The following ALKBH5 variants were observed in gnomAD, a reference collection of about 807,000 sequenced individuals.
The protein encoded by ALKBH5 is alkB homolog 5, RNA demethylase.
In ALKBH5, 2 loss-of-function variants were observed where a neutral mutation model predicts 32.1. That is an observed-to-expected ratio of 0.06 (90% CI 0.03 to 0.20). ALKBH5 has a LOEUF of 0.20. Ranked by LOEUF, ALKBH5 falls within the 10% of genes least tolerant of loss-of-function variation. The probability of loss-of-function intolerance (pLI) is 1.00; values close to 1 mark genes in which losing one functional copy is unlikely to be tolerated. For missense variants in ALKBH5, 352 were observed against 559.5 expected (o/e 0.63, Z 3.74); for synonymous variants, 300 against 231.7 (o/e 1.29, Z -2.68).
chr17:18,207,081 C>CA, intron 3 of ALKBH5, 111 bp downstream of exon 3: 1 of 1,403,022 alleles, frequency 7.1e-7, no homozygotes, highest in Non-Finnish European at 9.7e-7. Flanking sequence ...CTCACCCTTT[C>CA]AAAACCTTAT....
rs773570071 is a variant in ALKBH5, at chr17:18,208,461, G to A, written c.*65G>A. On this transcript the variant is annotated 3_prime_UTR_variant, in exon 4 of 4. Coordinates refer to ENST00000399138, the MANE Select transcript of ALKBH5 (RefSeq NM_017758.4). ...ACGTAGTTGCCCCTCCTTTTGTTTT[G>A]AGGGTTTTGTTTTTGTTCATTGGGG... 6.3e-7 allele frequency: 1 copy of A among 1,580,950 alleles called. No homozygotes were observed. The highest frequency in any genetic ancestry group is 8.6e-7 in the Non-Finnish European group (1 of 1,160,234).
chr17:18,184,888 C>T lies in ALKBH5; in HGVS notation c.645C>T (p.Ile215=), dbSNP rs754685122. The T allele has an allele frequency of 6.2e-6, 10 of 1,614,122 alleles. No individual in the cohort carries two copies. The highest frequency in any genetic ancestry group is 8.5e-6 in the Non-Finnish European group (10 of 1,180,054). ...VDPIHIFERP[I]VSVSFFSDSA... is the part of the protein sequence containing the mutation. ...CCATCCACATCTTCGAGCGCCCCAT[C>T]GTGTCCGTGTCCTTCTTTAGCGACT... Residue 215 remains isoleucine, a synonymous_variant, in exon 1 of 4, where the codon ATC becomes ATT. Coordinates refer to ENST00000399138, the MANE Select transcript of ALKBH5 (RefSeq NM_017758.4).
chr17:18,208,495 T>G lies in ALKBH5; in HGVS notation c.*99T>G, dbSNP rs752893777. On this transcript the variant is annotated 3_prime_UTR_variant, in exon 4 of 4. Coordinates refer to ENST00000399138, the MANE Select transcript of ALKBH5 (RefSeq NM_017758.4). ...GTTTTTGTTCATTGGGGGGTTTTTG[T>G]TTTTTGTTTTTTGTTTTTTTTGATT... is the stretch of plus-strand genomic sequence containing the variant. The G allele has an allele frequency of 1.6e-5, 8 of 516,098 alleles. No homozygotes were observed. Among genetic ancestry groups the G allele is most frequent in the East Asian group, 6.2e-5 (2 of 32,030 alleles). 32.0% of individuals were successfully genotyped at this position (516,098 alleles called of 1,614,324 possible).
intron 2 of ALKBH5, among the ~76,000 whole-genome samples, chr17:18,203,530 A>C (rs1200391721): frequency 6.6e-6 from 1 of 152,098 alleles, no homozygotes; most frequent in Non-Finnish European, 1.5e-5. Flanking sequence ...CTTTGCTCTG[A>C]CCTTTGAATA....
At chr17:18,200,708 A>C (rs2047231531) in intron 2 of ALKBH5, among the ~76,000 whole-genome samples, 1 of 152,150 alleles carries the variant, frequency 6.6e-6, no homozygotes, top group Non-Finnish European at 1.5e-5. Flanking sequence ...GTGCCACCTG[A>C]AGGTAGTCAA....
At chr17:18,201,802 TAGA>T (rs748209689) in intron 2 of ALKBH5, among the ~76,000 whole-genome samples, 1 of 56,334 alleles carries the variant, frequency 1.8e-5, no homozygotes, top group African/African-American at 7.1e-5. Context: ...ATAAGATAGA[TAGA>T]TAGATAGATA....
At chr17:18,196,848 G>A (rs998550463) in intron 2 of ALKBH5, among the ~76,000 whole-genome samples, 1 of 152,044 alleles carries the variant, frequency 6.6e-6, no homozygotes, top group Admixed American at 6.6e-5. Flanking sequence ...TCTTCTGCAG[G>A]GGGGATTGGT....
intron 2 of ALKBH5, among the ~76,000 whole-genome samples, chr17:18,200,716 C>G (rs545428573): frequency 1.9e-4 from 29 of 152,292 alleles, no homozygotes; most frequent in African/African-American, 6.5e-4. Context: ...TGAAGGTAGT[C>G]AAGGATGCTT....
chr17:18,203,890 T>G (rs2047255405), intron 2 of ALKBH5, among the ~76,000 whole-genome samples: 1 of 152,164 alleles, frequency 6.6e-6, no homozygotes, highest in Non-Finnish European at 1.5e-5. Flanking sequence ...TCTGCTTTTC[T>G]CCTACCATCC....
chr17:18,184,184 A>T lies in ALKBH5; in HGVS notation c.-60A>T. The stretch of plus-strand genomic sequence containing the variant: ...CGGGGGCCCCGGGGCGCGTCCCCTT[A>T]GAGCCATGCCCGGCTGCCCCGCCCG... On this transcript the variant is annotated 5_prime_UTR_variant, in exon 1 of 4. Coordinates refer to ENST00000399138, the MANE Select transcript of ALKBH5 (RefSeq NM_017758.4). 1 of 1,404,390 alleles carries T rather than the reference A, an allele frequency of 7.1e-7. No homozygotes were observed. The highest frequency in any genetic ancestry group is 9.4e-7 in the Non-Finnish European group (1 of 1,060,274). 87.0% of individuals were successfully genotyped at this position (1,404,390 alleles called of 1,614,324 possible).
chr17:18,200,547 T>TGCCA (rs997880173), intron 2 of ALKBH5, among the ~76,000 whole-genome samples: 1 of 152,220 alleles, frequency 6.6e-6, no homozygotes, highest in African/African-American at 2.4e-5. Flanking sequence ...GAGATCCCTT[T>TGCCA]GCCAAGTGGT....
chr17:18,190,590 A>G (rs1339325862), intron 1 of ALKBH5, among the ~76,000 whole-genome samples: 4 of 151,180 alleles, frequency 2.6e-5, no homozygotes, highest in African/African-American at 9.7e-5. Flanking sequence ...CACCTCATTT[A>G]ATTTGCACCT....
In ALKBH5 at chr17:18,183,986, G is replaced by T. The variant is rs1315296712; in HGVS notation, c.-258G>T. The T allele has an allele frequency of 1.6e-6, 1 of 644,412 alleles. No individual in the cohort carries two copies. Among genetic ancestry groups the T allele is most frequent in the South Asian group, 1.5e-5 (1 of 64,824 alleles). 39.9% of individuals were successfully genotyped at this position (644,412 alleles called of 1,614,324 possible). On this transcript the variant is annotated 5_prime_UTR_variant, in exon 1 of 4. Transcript: ENST00000399138. Reference sequence around the variant, plus strand: ...GCCCTCCGCGGCATGAGGCGCTGCCGGCGCCCCTGCCCCGCGGGACGTGGA... The same window carrying T: ...GCCCTCCGCGGCATGAGGCGCTGCCTGCGCCCCTGCCCCGCGGGACGTGGA...
intron 1 of ALKBH5, among the ~76,000 whole-genome samples, chr17:18,188,889 A>C (rs181229162): frequency 1.3e-5 from 2 of 152,252 alleles, no homozygotes; most frequent in African/African-American, 4.8e-5. Flanking sequence ...CAACATGGTA[A>C]AACCCCATCT....
At chr17:18,185,302 T>A (rs528205911) in intron 1 of ALKBH5, among the ~76,000 whole-genome samples, 1 of 152,208 alleles carries the variant, frequency 6.6e-6, no homozygotes, top group Non-Finnish European at 1.5e-5. Context: ...CCTTTGATTT[T>A]TTTTTTTCCC....
intron 1 of ALKBH5, among the ~76,000 whole-genome samples, chr17:18,186,980 A>G (rs974531792): frequency 4.6e-5 from 7 of 152,124 alleles, no homozygotes; most frequent in African/African-American, 1.7e-4. Context: ...GTAGGTACTT[A>G]AATGGGTGCT....
At chr17:18,189,703 A>C (rs1347215068) in intron 1 of ALKBH5, among the ~76,000 whole-genome samples, 1 of 152,238 alleles carries the variant, frequency 6.6e-6, no homozygotes, top group Non-Finnish European at 1.5e-5. Flanking sequence ...TTGAGGCCTC[A>C]GTTTTCCTCA....
chr17:18,186,581 C>T (rs1314225147), intron 1 of ALKBH5, among the ~76,000 whole-genome samples: 2 of 152,128 alleles, frequency 1.3e-5, no homozygotes, highest in Non-Finnish European at 2.9e-5. Context: ...GGGACTACTA[C>T]TCTCCTTAAC....
chr17:18,204,449 T>TAA (rs35918446), intron 2 of ALKBH5, among the ~76,000 whole-genome samples: 2 of 142,432 alleles, frequency 1.4e-5, no homozygotes, highest in Non-Finnish European at 3.0e-5. Flanking sequence ...AAAACTCTCT[T>TAA]AAAAAAAAAA....
Sources: gnomAD v4.1 joint callset for allele counts (sites outside exome capture counted in the v4.1 genomes callset) on GRCh38, gnomAD v4.1.1 for gene constraint, MANE v1.5 for transcripts, NCBI Gene and HGNC (gene_info 2026-07-23, HGNC 2026-07-21) for gene names.